DCAKD: variants seen among roughly 807,000 people sequenced by gnomAD.
DCAKD encodes dephospho-CoA kinase domain containing, also known as dephospho-CoA kinase domain-containing protein.
Under a neutral mutation model 18.7 loss-of-function variants are expected in DCAKD, and 15 were observed. That is an observed-to-expected ratio of 0.80 (90% CI 0.54 to 1.24). DCAKD has a LOEUF of 1.24. DCAKD is among the 50% of genes most tolerant of loss of function. The pLI is 0.00. For synonymous variants in DCAKD, 130 were observed against 133.0 expected (o/e 0.98, Z 0.16); for missense variants, 301 against 322.0 (o/e 0.93, Z 0.50).
intron 4 of DCAKD, among the ~76,000 whole-genome samples, chr17:45,027,206 T>C (rs1211174936): frequency 6.6e-6 from 1 of 152,168 alleles, no homozygotes; most frequent in Non-Finnish European, 1.5e-5. Context: ...TCAGATGTGA[T>C]GCTGCATGCC....
At chr17:45,030,202 CCA>C in intron 3 of DCAKD, 23 bp from the exon 4 acceptor site, 1 of 1,608,610 alleles carries the variant, frequency 6.2e-7, no homozygotes, top group South Asian at 1.1e-5. Flanking sequence ...TGGAAATCCC[CCA>C]AGTTCAATTC....
At chr17:45,045,011 G>A (rs2053534135) in intron 1 of DCAKD, among the ~76,000 whole-genome samples, 1 of 152,160 alleles carries the variant, frequency 6.6e-6, no homozygotes, top group Non-Finnish European at 1.5e-5. Context: ...CTCAGGGCCA[G>A]GGCCAGTTTC....
chr17:45,034,005 G>A (rs1281531414), intron 3 of DCAKD, 182 bp downstream of exon 3: 1 of 1,594,542 alleles, frequency 6.3e-7, no homozygotes, highest in Non-Finnish European at 8.5e-7. Flanking sequence ...TAAGAGCTGA[G>A]GGAACGTGCT....
chr17:45,025,871 C>G (rs1246645227), intron 4 of DCAKD, among the ~76,000 whole-genome samples: 1 of 151,640 alleles, frequency 6.6e-6, no homozygotes, highest in Non-Finnish European at 1.5e-5. Context: ...CCTGCCTCAG[C>G]CTCCTGAGTA....
Position 45,051,463 on chromosome 17 carries a change from G to A in DCAKD, c.-217C>T, listed in dbSNP as rs2053694248. 6.6e-6 allele frequency: 1 copy of A among 151,936 alleles called. No homozygotes were observed. Among genetic ancestry groups the A allele is most frequent in the African/African-American group, 2.4e-5 (1 of 41,400 alleles). 9.4% of individuals were successfully genotyped at this position (151,936 alleles called of 1,614,324 possible). On this transcript the variant is annotated 5_prime_UTR_variant, in exon 1 of 5. Transcript: ENST00000651974. ...CCGCGAAATTGGGTCGCCCGGGGCG[G>A]TGGCAGCCCCGCGTAGCAGCCGCGG...
At chr17:45,032,704 A>T (rs2053197060) in intron 3 of DCAKD, among the ~76,000 whole-genome samples, 1 of 151,498 alleles carries the variant, frequency 6.6e-6, no homozygotes, top group Non-Finnish European at 1.5e-5. Flanking sequence ...GAATCGCTTG[A>T]ACCCGGGAAG....
intron 1 of DCAKD, among the ~76,000 whole-genome samples, chr17:45,057,678 G>C (rs2053797759): frequency 6.7e-6 from 1 of 149,528 alleles, no homozygotes; most frequent in African/African-American, 2.5e-5. Flanking sequence ...ACTCCAGCCT[G>C]GGCAACAGAG....
At chr17:45,053,490 C>T (rs369122832), upstream of DCAKD, among the ~76,000 whole-genome samples, 2 of 151,090 alleles carry the variant, frequency 1.3e-5, no homozygotes, top group Admixed American at 6.6e-5. Flanking sequence ...GGCATGATCT[C>T]GGCTCACTGC....
rs758388490 is a variant in DCAKD, at chr17:45,024,693, G to GC, written c.435dup (p.Arg146AlafsTer50). The stretch of plus-strand genomic sequence containing the variant: ...TCCTTGCGGTTCAGGCTGTTCCGCC[G>GC]CATCAGCCGTGCCAGCTGTGTGTCC... On this transcript the variant is annotated frameshift_variant, in exon 5 of 5. Transcript: ENST00000651974. LOFTEE classifies it high-confidence loss of function. 1.3e-5 allele frequency: 20 copies of GC among 1,592,484 alleles called. No individual in the cohort carries two copies. The highest frequency in any genetic ancestry group is 1.6e-5 in the Non-Finnish European group (19 of 1,164,660).
intron 1 of DCAKD, among the ~76,000 whole-genome samples, chr17:45,046,749 G>A (rs529952887): frequency 2.8e-4 from 42 of 151,986 alleles, no homozygotes; most frequent in Admixed American, 2.5e-3. Context: ...GAGTTTCAGC[G>A]TCATAAATTT....
chr17:45,031,869 C>CT, intron 3 of DCAKD: 1 of 985,436 alleles, frequency 1.0e-6, no homozygotes, highest in Non-Finnish European at 1.2e-6. Context: ...ATTATACCAA[C>CT]TTTGACAGTT....
intron 3 of DCAKD, among the ~76,000 whole-genome samples, chr17:45,032,848 G>A (rs2053201163): frequency 6.6e-6 from 1 of 152,104 alleles, no homozygotes; most frequent in Non-Finnish European, 1.5e-5. Flanking sequence ...CTGAGAGTGG[G>A]GTGACAGGCA....
At chr17:45,038,014 C>T (rs2053343637) in intron 1 of DCAKD, among the ~76,000 whole-genome samples, 1 of 151,572 alleles carries the variant, frequency 6.6e-6, no homozygotes, top group South Asian at 2.1e-4. Flanking sequence ...GGTGATCCAC[C>T]CACCTCGGCC....
At chr17:45,032,430 G>T (rs910943164) in intron 3 of DCAKD, among the ~76,000 whole-genome samples, 1 of 151,840 alleles carries the variant, frequency 6.6e-6, no homozygotes, top group Non-Finnish European at 1.5e-5. Context: ...GGATGAGGGT[G>T]GGGGGAGGTT....
At chr17:45,025,433 C>T (rs973041487) in intron 4 of DCAKD, among the ~76,000 whole-genome samples, 2 of 152,186 alleles carry the variant, frequency 1.3e-5, no homozygotes, top group South Asian at 2.1e-4. Context: ...CAGATTAGGT[C>T]GGACAATATC....
intron 1 of DCAKD, among the ~76,000 whole-genome samples, chr17:45,041,235 G>T (rs1224621313): frequency 6.6e-6 from 1 of 151,858 alleles, no homozygotes; most frequent in Non-Finnish European, 1.5e-5. Context: ...CAGGCCCTGT[G>T]TGACTCCCTC....
At chr17:45,047,205 G>GA (rs147854524) in intron 1 of DCAKD, among the ~76,000 whole-genome samples, 10 of 142,908 alleles carry the variant, frequency 7.0e-5, no homozygotes, top group African/African-American at 7.7e-5. Context: ...TACAGCCAAA[G>GA]AAAAAAAAAA....
intron 1 of DCAKD, among the ~76,000 whole-genome samples, chr17:45,050,284 T>C (rs1224595561): frequency 6.6e-6 from 1 of 151,828 alleles, no homozygotes; most frequent in African/African-American, 2.4e-5. Context: ...CCTCGGGTGA[T>C]CCACCCTCCT....
chr17:45,042,841 G>A (rs183984099), intron 1 of DCAKD, among the ~76,000 whole-genome samples: 51 of 152,306 alleles, frequency 3.3e-4, no homozygotes, highest in African/African-American at 1.2e-3. Flanking sequence ...AAGGAAAGGA[G>A]CTGGCGTCTG....
Sources: allele counts gnomAD v4.1 joint callset (sites outside exome capture counted in the v4.1 genomes callset), GRCh38; gene constraint gnomAD v4.1.1; transcripts MANE v1.5; gene names NCBI Gene and HGNC (gene_info 2026-07-23, HGNC 2026-07-21).